Variants in TRAF3 observed in about 807,000 individuals in gnomAD.
TRAF3 encodes the protein TNF receptor associated factor 3, also known as TNF receptor-associated factor 3.
A neutral mutation model predicts 62.3 loss-of-function variants in TRAF3; 13 were observed. The observed-to-expected ratio is 0.21, with a 90% CI of 0.14 to 0.33. The LOEUF (loss-of-function observed/expected upper bound fraction) is 0.33. Among genes scored for constraint, TRAF3 ranks in the 10% least tolerant of loss-of-function variants. The pLI is 1.00. For synonymous variants in TRAF3, 269 were observed against 283.4 expected (o/e 0.95, Z 0.51); for missense variants, 440 against 741.8 (o/e 0.59, Z 4.73).
At chr14:102,902,392 G>A (rs1397853269) in intron 10 of TRAF3, among the ~76,000 whole-genome samples, 1 of 152,222 alleles carries the variant, frequency 6.6e-6, no homozygotes, top group Non-Finnish European at 1.5e-5. Flanking sequence ...CTTCTCCTGG[G>A]ACCCTGGGGT....
chr14:102,811,913 C>CCTTTTTTTTTTTTTTTT (rs1381571409), intron 1 of TRAF3, among the ~76,000 whole-genome samples: 2 of 47,076 alleles, frequency 4.2e-5, no homozygotes, highest in Non-Finnish European at 7.3e-5. Flanking sequence ...ATGCCTGGCC[C>CCTTTTTTTTTTTTTTTT]TTTTTTTTTT....
intron 1 of TRAF3, among the ~76,000 whole-genome samples, chr14:102,813,452 TC>T (rs1314563798): frequency 2.6e-5 from 4 of 151,244 alleles, no homozygotes; most frequent in African/African-American, 7.3e-5. Context: ...TCTTTTCTTT[TC>T]TTTTCTTTTT....
chr14:102,811,956 T>C (rs1262948927), intron 1 of TRAF3, among the ~76,000 whole-genome samples: 1 of 112,522 alleles, frequency 8.9e-6, no homozygotes. Context: ...ACAGACAGGG[T>C]CTTGCTGTGT....
chr14:102,840,784 C>T (rs1027708090), intron 2 of TRAF3, among the ~76,000 whole-genome samples: 5 of 152,152 alleles, frequency 3.3e-5, no homozygotes, highest in Non-Finnish European at 7.3e-5. Flanking sequence ...TCTTAAACAA[C>T]TTGAAAACCA....
intron 2 of TRAF3, among the ~76,000 whole-genome samples, chr14:102,857,414 T>A (rs961129591): frequency 6.6e-6 from 1 of 152,262 alleles, no homozygotes; most frequent in South Asian, 2.1e-4. Context: ...TTGGCCTGAT[T>A]ATTTGTATAA....
chr14:102,786,789 A>G (rs1187634410), intron 1 of TRAF3, among the ~76,000 whole-genome samples: 4 of 152,194 alleles, frequency 2.6e-5, no homozygotes, highest in Non-Finnish European at 4.4e-5. Context: ...GTTCTCAACC[A>G]ACCTGGGCAA....
At chr14:102,842,177 G>T (rs952899028) in intron 2 of TRAF3, among the ~76,000 whole-genome samples, 5 of 151,526 alleles carry the variant, frequency 3.3e-5, no homozygotes, top group Admixed American at 3.3e-4. Flanking sequence ...CCGGGAGGTG[G>T]AGGTTGCAGT....
In TRAF3 at chr14:102,826,392, T is replaced by C. The variant is rs1302816373; in HGVS notation, c.-156-3942T>C. Among the ~76,000 whole-genome samples the C allele has an allele frequency of 6.6e-6, 1 of 152,176 alleles. No homozygotes were observed. Among genetic ancestry groups the C allele is most frequent in the African/African-American group, 2.4e-5 (1 of 41,440 alleles). Reference sequence around the variant, plus strand: ...CCGCAGATACCACCCTGACCGCCACTGCAGGGCTTCTGTGCGGGGGCAGCT... The same window carrying C: ...CCGCAGATACCACCCTGACCGCCACCGCAGGGCTTCTGTGCGGGGGCAGCT... On this transcript the variant is annotated intron_variant, in intron 1 of 11. Coordinates refer to ENST00000392745, the MANE Select transcript of TRAF3 (RefSeq NM_145725.3). The surrounding 1 kb of genome is among the most constrained non-coding windows in gnomAD (Gnocchi z 4.6).
At chr14:102,793,101 G>A (rs1458605817) in intron 1 of TRAF3, among the ~76,000 whole-genome samples, 1 of 151,992 alleles carries the variant, frequency 6.6e-6, no homozygotes, top group Non-Finnish European at 1.5e-5. Context: ...ATGAGCCACT[G>A]CACCCTGCCT....
At chr14:102,815,791 T>TA (rs2139547227) in intron 1 of TRAF3, among the ~76,000 whole-genome samples, 1 of 152,272 alleles carries the variant, frequency 6.6e-6, no homozygotes, top group South Asian at 2.1e-4. Context: ...AGGCACGTCT[T>TA]ACATGGCAGC....
Position 102,903,319 on chromosome 14 carries a change from A to G in TRAF3, c.1025A>G (p.Gln342Arg). ...ELDKEIRPFR[Q>R]NWEEADSMKS... is the part of the protein sequence containing the mutation. ...GACAAGGAGATCCGGCCCTTCCGGCAGAACTGGGAGGAAGCAGACAGCATG... is the reference window on the plus strand; with the variant it reads ...GACAAGGAGATCCGGCCCTTCCGGCGGAACTGGGAGGAAGCAGACAGCATG... The change falls in exon 11 of 12, where the codon CAG becomes CGG. Residue 342 changes from glutamine to arginine, a missense_variant. By Grantham distance (43) the Gln-to-Arg change is conservative. Coordinates refer to ENST00000392745, the MANE Select transcript of TRAF3 (RefSeq NM_145725.3). The surrounding 1 kb of genome is among the most constrained non-coding windows in gnomAD (Gnocchi z 6.4). The G allele has an allele frequency of 6.2e-7, 1 of 1,614,244 alleles. No homozygotes were observed. The highest frequency in any genetic ancestry group is 8.5e-7 in the Non-Finnish European group (1 of 1,180,044).
At position 102,903,508 on chromosome 14, in the gene TRAF3, G is replaced by A. The variant is rs1190495336; in HGVS notation, c.1135+79G>A. On this transcript the variant is annotated intron_variant, in intron 11 of 11. Transcript: ENST00000392745. This position sits in a 1 kb window ranked among gnomAD's most constrained non-coding sequence, Gnocchi z 6.4. ...TGCTGGGGCGGGGTCCGTGGGATGA[G>A]GGCTATGTTAGGTACATGTGCCTTA... is the stretch of plus-strand genomic sequence containing the variant. The A allele has an allele frequency of 6.3e-7, 1 of 1,593,054 alleles. No individual in the cohort carries two copies. The highest frequency in any genetic ancestry group is 8.6e-7 in the Non-Finnish European group (1 of 1,166,824).
chr14:102,869,786 A>T (rs1413441240), intron 2 of TRAF3, among the ~76,000 whole-genome samples: 1 of 151,196 alleles, frequency 6.6e-6, no homozygotes, highest in Non-Finnish European at 1.5e-5. Flanking sequence ...AGCCTGGGCA[A>T]CAGAGCGAGA....
intron 8 of TRAF3, among the ~76,000 whole-genome samples, chr14:102,890,702 A>G (rs546811783): frequency 4.6e-5 from 7 of 152,352 alleles, no homozygotes; most frequent in African/African-American, 1.7e-4. Flanking sequence ...GTACAATTTC[A>G]TGTGCTTATT....
chr14:102,821,945 G>A (rs1179309406), intron 1 of TRAF3, among the ~76,000 whole-genome samples: 1 of 152,190 alleles, frequency 6.6e-6, no homozygotes, highest in East Asian at 1.9e-4. Flanking sequence ...GAGAGGCTGA[G>A]ACAAAAGAAT....
chr14:102,872,314 G>T (rs1322085753), intron 4 of TRAF3, among the ~76,000 whole-genome samples: 1 of 152,322 alleles, frequency 6.6e-6, no homozygotes, highest in Non-Finnish European at 1.5e-5. Flanking sequence ...CTGTGGTTGG[G>T]TCACTTCCGT....
At chr14:102,889,191 A>AT (rs1566799970) in intron 7 of TRAF3, among the ~76,000 whole-genome samples, 1 of 152,008 alleles carries the variant, frequency 6.6e-6, no homozygotes, top group Admixed American at 6.6e-5. Flanking sequence ...AATGCTTTCT[A>AT]TTTTTTTGTG....
chr14:102,864,262 C>T (rs919666116), intron 2 of TRAF3, among the ~76,000 whole-genome samples: 7 of 151,454 alleles, frequency 4.6e-5, no homozygotes, highest in African/African-American at 1.7e-4. Context: ...CATTCTCCTG[C>T]CTCAGCCTCT....
chr14:102,854,865 G>A (rs947739095), intron 2 of TRAF3, among the ~76,000 whole-genome samples: 1 of 148,436 alleles, frequency 6.7e-6, no homozygotes, highest in African/African-American at 2.5e-5. Context: ...CATAACATTA[G>A]CCATTTAAAA....
Sources: gnomAD v4.1 joint callset for allele counts (sites outside exome capture counted in the v4.1 genomes callset) on GRCh38, gnomAD v4.1.1 for gene constraint, Gnocchi (gnomAD v3.1) non-coding constraint, MANE v1.5 for transcripts, NCBI Gene and HGNC (gene_info 2026-07-23, HGNC 2026-07-21) for gene names.